UNC79: variants seen among roughly 807,000 people sequenced by gnomAD.
UNC79 encodes the protein protein unc-79 homolog.
Under a neutral mutation model 283.1 loss-of-function variants are expected in UNC79, and 37 were observed. That is an observed-to-expected ratio of 0.13 (90% confidence interval 0.10 to 0.17). The LOEUF (loss-of-function observed/expected upper bound fraction) is 0.17, where lower values mean the gene tolerates loss of function less well. Among genes scored for constraint, UNC79 ranks in the 10% least tolerant of loss-of-function variants. UNC79 has a pLI of 1.00. For synonymous variants in UNC79, 1,107 were observed against 1,200.2 expected (o/e 0.92, Z 1.61); for missense variants, 2,272 against 3,211.1 (o/e 0.71, Z 7.07).
At chr14:93,387,399 C>T (rs1351474207) in intron 1 of UNC79, among the ~76,000 whole-genome samples, 2 of 151,578 alleles carry the variant, frequency 1.3e-5, no homozygotes, top group African/African-American at 4.9e-5. Flanking sequence ...CTTCTTAGTT[C>T]TGCTTTTGCT....
At chr14:93,482,739 G>A (rs1238650586) in intron 4 of UNC79, among the ~76,000 whole-genome samples, 1 of 151,968 alleles carries the variant, frequency 6.6e-6, no homozygotes, top group African/African-American at 2.4e-5. Flanking sequence ...GCTTTCATTG[G>A]GGCCAGTCCA....
chr14:93,634,250 A>C (rs1390748858), intron 31 of UNC79, among the ~76,000 whole-genome samples: 2 of 152,220 alleles, frequency 1.3e-5, no homozygotes, highest in Non-Finnish European at 2.9e-5. Flanking sequence ...AAAGTAGATG[A>C]AGATAATCAT....
chr14:93,613,420 CTTT>C (rs570173176), intron 27 of UNC79, among the ~76,000 whole-genome samples: 1 of 142,912 alleles, frequency 7.0e-6, no homozygotes, highest in Non-Finnish European at 1.5e-5. Context: ...TATTTGGTTT[CTTT>C]TTTTTTTTTT....
At chr14:93,686,688 C>T in intron 43 of UNC79, 27 bp downstream of exon 46, 2 of 1,612,742 alleles carry the variant, frequency 1.2e-6, no homozygotes, top group Non-Finnish European at 1.7e-6. Context: ...CTGCTCATCC[C>T]TCAGGTTCAC....
intron 1 of UNC79, among the ~76,000 whole-genome samples, chr14:93,394,524 C>T (rs1366076969): frequency 1.3e-5 from 2 of 151,654 alleles, no homozygotes; most frequent in African/African-American, 2.4e-5. Flanking sequence ...GATTCTCCTG[C>T]CTCAGCCTCC....
At chr14:93,467,644 T>TTTTTTTTTTTTTTTTTTTTTTTTTC in intron 1 of UNC79, 27 bp from the exon 2 acceptor site, 1 of 1,070,468 alleles carries the variant, frequency 9.3e-7, no homozygotes, top group Non-Finnish European at 1.1e-6. Flanking sequence ...TTTTTTTTTT[T>TTTTTTTTTTTTTTTTTTTTTTTTTC]TTTTTTTTTT....
chr14:93,398,524 G>A (rs2140023072), intron 1 of UNC79, among the ~76,000 whole-genome samples: 1 of 152,304 alleles, frequency 6.6e-6, no homozygotes, highest in East Asian at 1.9e-4. Context: ...GGAGCACACT[G>A]GTCCAGAGAA....
intron 32 of UNC79, among the ~76,000 whole-genome samples, chr14:93,638,113 AT>A (rs2140162039): frequency 6.6e-6 from 1 of 152,356 alleles, no homozygotes; most frequent in African/African-American, 2.4e-5. Flanking sequence ...GAGAAGGCAG[AT>A]TAACCTATCA....
In UNC79 at chr14:93,688,998, C is replaced by A; in HGVS notation, c.7085+158C>A. 1 of 744,506 alleles carries A rather than the reference C, an allele frequency of 1.3e-6. No homozygotes were observed. Among genetic ancestry groups the A allele is most frequent in the Non-Finnish European group, 1.9e-6 (1 of 517,378 alleles). 46.1% of individuals were successfully genotyped at this position (744,506 alleles called of 1,614,324 possible). On this transcript the variant is annotated intron_variant, in intron 44 of 48. Coordinates refer to ENST00000555664, the Ensembl canonical transcript of UNC79. The surrounding 1 kb of genome is among the most constrained non-coding windows in gnomAD (Gnocchi z 4.0). ...AAATCAGATCCCATCTCCTTACGTACTTGCTGACCCAGAATGCTCTTTGAC... is the reference window on the plus strand; with the variant it reads ...AAATCAGATCCCATCTCCTTACGTAATTGCTGACCCAGAATGCTCTTTGAC...
chr14:93,588,070 C>CTTTATTTATTTA (rs528106759), intron 22 of UNC79, among the ~76,000 whole-genome samples: 3 of 151,788 alleles, frequency 2.0e-5, no homozygotes, highest in African/African-American at 4.8e-5. Flanking sequence ...GATACTGAAG[C>CTTTATTTATTTA]TTTATTTATT....
chr14:93,666,114 A>G (rs2072175235), intron 40 of UNC79, among the ~76,000 whole-genome samples: 2 of 152,010 alleles, frequency 1.3e-5, no homozygotes, highest in South Asian at 2.1e-4. Context: ...AAAGCATTCT[A>G]TATATTATCT....
At chr14:93,529,757 A>G (rs1270197496) in intron 10 of UNC79, among the ~76,000 whole-genome samples, 1 of 152,184 alleles carries the variant, frequency 6.6e-6, no homozygotes, top group East Asian at 1.9e-4. Context: ...GTGGGGGGGA[A>G]ATCATTGAAT....
In UNC79 at chr14:93,612,808, C is replaced by T. The variant is rs2066405972; in HGVS notation, c.3766C>T (p.Pro1256Ser). 6.2e-7 allele frequency: 1 copy of T among 1,613,400 alleles called. No individual in the cohort carries two copies. The highest frequency in any genetic ancestry group is 1.3e-5 in the African/African-American group (1 of 74,902). Residue 1256 changes from proline to serine, a missense_variant, in exon 27 of 49, where the codon CCT (proline) becomes TCT (serine). By Grantham distance (74) the Pro-to-Ser change is moderately conservative (BLOSUM62 -1). Around this residue, in one of 11 missense-constraint regions of UNC79, gnomAD observed 29 missense variants for 19.2 expected, o/e 1.51. Transcript: ENST00000555664. Reference sequence around the variant, plus strand: ...TCTTCTACTGACAGGACAACAATCTCCTGAGAATGACAACACCATCAAGGA... The same window carrying T: ...TCTTCTACTGACAGGACAACAATCTTCTGAGAATGACAACACCATCAAGGA...
chr14:93,702,141 A>G (rs2075575029), intron 47 of UNC79, among the ~76,000 whole-genome samples: 1 of 152,162 alleles, frequency 6.6e-6, no homozygotes, highest in Admixed American at 6.5e-5. Context: ...ATAGGGGGAG[A>G]CAGTTAGACT....
At chr14:93,344,070 T>C (rs898214408) in intron 1 of UNC79, among the ~76,000 whole-genome samples, 7 of 152,130 alleles carry the variant, frequency 4.6e-5, no homozygotes, top group African/African-American at 1.7e-4. Flanking sequence ...GTGGCTGAAT[T>C]TGGAGTCACC....
At position 93,688,249 on chromosome 14, in the gene UNC79, C is replaced by T. The variant is rs1397148012; in HGVS notation, c.6910-416C>T. 6.6e-6 allele frequency among the ~76,000 whole-genome samples: 1 copy of T among 152,108 alleles called. No individual in the cohort carries two copies. On this transcript the variant is annotated intron_variant, in intron 43 of 48. Coordinates refer to ENST00000555664, the Ensembl canonical transcript of UNC79. The surrounding 1 kb of genome is among the most constrained non-coding windows in gnomAD (Gnocchi z 4.0). ...AACTACAGTAAAAATGTGTCTCTCA[C>T]AATTGCTATGAAAAAGAGGCAGAAG...
chr14:93,648,370 G>A (rs1050571676), intron 35 of UNC79, among the ~76,000 whole-genome samples: 8 of 152,166 alleles, frequency 5.3e-5, no homozygotes, highest in African/African-American at 1.9e-4. Flanking sequence ...AATGGAAGGA[G>A]GGAACCAGTT....
chr14:93,688,767 A>C lies in UNC79; in HGVS notation c.7012A>C (p.Asn2338His). The stretch of plus-strand genomic sequence containing the variant: ...TGCAGCCATGGACATCTCACGGGGC[A>C]ACCACAGAGATAACAAAGCTGTGAT... Residue 2338 changes from asparagine to histidine, a missense_variant, in exon 44 of 49, where the codon AAC becomes CAC. Physicochemically the swap from Asn to His is moderately conservative, Grantham distance 68. Around this residue, in one of 11 missense-constraint regions of UNC79, gnomAD observed 225 missense variants for 334.2 expected, o/e 0.67. Coordinates refer to ENST00000555664, the Ensembl canonical transcript of UNC79. This position sits in a 1 kb window ranked among gnomAD's most constrained non-coding sequence, Gnocchi z 4.0. The C allele has an allele frequency of 6.2e-7, 1 of 1,613,844 alleles. No individual in the cohort carries two copies. The highest frequency in any genetic ancestry group is 8.5e-7 in the Non-Finnish European group (1 of 1,179,930).
chr14:93,675,249 A>G (rs1292272250), intron 41 of UNC79, among the ~76,000 whole-genome samples: 1 of 152,192 alleles, frequency 6.6e-6, no homozygotes, highest in Non-Finnish European at 1.5e-5. Context: ...TAATGTGCCA[A>G]TTACTCTCCT....
Sources: gnomAD v4.1 joint callset for allele counts (sites outside exome capture counted in the v4.1 genomes callset) on GRCh38, gnomAD v4.1.1 for gene constraint, gnomAD v4.1.1 regional missense constraint, Gnocchi (gnomAD v3.1) non-coding constraint, MANE v1.5 for transcripts, NCBI Gene and HGNC (gene_info 2026-07-23, HGNC 2026-07-21) for gene names.